Variants in MGAT4D observed in about 807,000 individuals in gnomAD.
MGAT4D encodes the protein alpha-1,3-mannosyl-glycoprotein 4-beta-N-acetylglucosaminyltransferase-like protein MGAT4D.
A neutral mutation model predicts 15.9 loss-of-function variants in MGAT4D; 34 were observed. The ratio of observed to expected loss-of-function variants is 2.14; its 90% CI spans 1.62 to 2.84. The LOEUF is 2.84. Ranked by LOEUF, MGAT4D falls within the 30% of genes most tolerant of loss-of-function variation. MGAT4D has a pLI of 0.00. For missense variants in MGAT4D, 327 were observed against 140.2 expected (o/e 2.33, Z -6.73); for synonymous variants, 112 against 48.2 (o/e 2.33, Z -5.49).
In MGAT4D at chr4:140,469,634, G is replaced by T. The variant is rs541080741; in HGVS notation, c.572+2141C>A. 7.9e-5 allele frequency among the ~76,000 whole-genome samples: 12 copies of T among 152,272 alleles called. 1 individual carries two copies. The South Asian group carries it at 2.5e-3, about 32-fold the overall frequency. On this transcript the variant is annotated intron_variant, in intron 5 of 10. Transcript: ENST00000511113. ...TCCACTTTTTAAAGACTCTGGGTCAGTTTTCTACAGAAGGTCCCACTTCTT... is the reference window on the plus strand; with the variant it reads ...TCCACTTTTTAAAGACTCTGGGTCATTTTTCTACAGAAGGTCCCACTTCTT...
intron 2 of MGAT4D, among the ~76,000 whole-genome samples, chr4:140,479,939 C>T (rs1447485627): frequency 6.6e-6 from 1 of 152,104 alleles, no homozygotes; most frequent in Non-Finnish European, 1.5e-5. Context: ...TACTCTGCTA[C>T]TTTGATTAAT....
chr4:140,463,701 G>A (rs1383247125), intron 6 of MGAT4D, among the ~76,000 whole-genome samples: 1 of 152,168 alleles, frequency 6.6e-6, no homozygotes, highest in African/African-American at 2.4e-5. Context: ...AACAATGTTG[G>A]CTATCTTACA....
intron 6 of MGAT4D, chr4:140,462,736 G>A (rs978485769): frequency 6.6e-6 from 1 of 152,144 alleles, no homozygotes; most frequent in Admixed American, 6.5e-5. Context: ...GCCAAATTTG[G>A]GGCAATTTGA....
rs1222223922 is a variant in MGAT4D at position 140,442,482 on chromosome 4, G to T, written c.*954C>A. 6.6e-6 allele frequency: 1 copy of T among 152,096 alleles called. No individual in the cohort carries two copies. Among genetic ancestry groups the T allele is most frequent in the African/African-American group, 2.4e-5 (1 of 41,438 alleles). The allele number at this position is 152,096 out of a possible 1,614,324, so 9.4% of individuals were successfully genotyped here. On this transcript the variant is annotated 3_prime_UTR_variant, in exon 11 of 11. Transcript: ENST00000511113. ...GAAAAATAGATTTTAATGGGCCCCTGTAGAAACTGATGGATCAAGCATATA... is the reference window on the plus strand; with the variant it reads ...GAAAAATAGATTTTAATGGGCCCCTTTAGAAACTGATGGATCAAGCATATA...
chr4:140,462,989 T>G (rs1731294895), intron 6 of MGAT4D, among the ~76,000 whole-genome samples: 1 of 152,152 alleles, frequency 6.6e-6, no homozygotes, highest in Admixed American at 6.5e-5. Context: ...CTCTGTGAGA[T>G]GGCTGAAAAA....
rs181397009 is a variant in MGAT4D at position 140,474,776 on chromosome 4, G to T, written c.525+37C>A. Reference sequence around the variant, plus strand: ...AGGAAGGGAATTTGGAGACCATAGGGTGAGGATAAGGAGAGCTCCTTATTT... The same window carrying T: ...AGGAAGGGAATTTGGAGACCATAGGTTGAGGATAAGGAGAGCTCCTTATTT... On this transcript the variant is annotated intron_variant, in intron 4 of 10. Coordinates refer to ENST00000511113, the MANE Select transcript of MGAT4D (RefSeq NM_001277353.2). 3.4e-4 allele frequency: 197 copies of T among 585,286 alleles called. No homozygotes were observed. The African/African-American group carries it at 3.4e-3, about 10-fold the overall frequency. 36.3% of individuals were successfully genotyped at this position (585,286 alleles called of 1,614,324 possible).
At chr4:140,475,139 G>T (rs1732229948) in intron 3 of MGAT4D, among the ~76,000 whole-genome samples, 193 bp from the exon 4 acceptor site, 1 of 152,102 alleles carries the variant, frequency 6.6e-6, no homozygotes, top group Admixed American at 6.6e-5. Flanking sequence ...GAGGAAATTT[G>T]CAGTGGATTG....
chr4:140,473,109 T>C (rs989261954), intron 4 of MGAT4D, among the ~76,000 whole-genome samples: 10 of 152,246 alleles, frequency 6.6e-5, no homozygotes, highest in African/African-American at 2.4e-4. Context: ...TTCTTTTTTC[T>C]TCATATATTT....
intron 5 of MGAT4D, among the ~76,000 whole-genome samples, chr4:140,466,631 T>C (rs1249906868): frequency 6.6e-6 from 1 of 152,210 alleles, no homozygotes; most frequent in Non-Finnish European, 1.5e-5. Context: ...TTCATTTTTC[T>C]ATGTATTTAT....
rs1732277105 is a variant in MGAT4D at position 140,475,792 on chromosome 4, A to G, written c.392-846T>C. The stretch of plus-strand genomic sequence containing the variant: ...CTATTGAGTTTGAACATATCTTCAC[A>G]TGTTTATTGGCTTTCTTTTTTTTTT... On this transcript the variant is annotated intron_variant, in intron 3 of 10. Transcript: ENST00000511113. 2.7e-5 allele frequency among the ~76,000 whole-genome samples: 4 copies of G among 146,716 alleles called. No homozygotes were observed. The South Asian group carries it at 8.5e-4, about 31-fold the overall frequency.
At chr4:140,483,708 G>A (rs539243176) in intron 1 of MGAT4D, among the ~76,000 whole-genome samples, 22 of 152,054 alleles carry the variant, frequency 1.4e-4, no homozygotes, top group African/African-American at 4.8e-4. Context: ...AGAAATTCAC[G>A]CATTTACAGT....
In MGAT4D at chr4:140,485,810, T is replaced by TAAAAAA. The variant is rs61131099; in HGVS notation, c.95-3331_95-3326dup. Among the ~76,000 whole-genome samples the TAAAAAA allele has an allele frequency of 2.0e-3, 26 of 13,026 alleles. 4 individuals are homozygous for TAAAAAA. The highest frequency in any genetic ancestry group is 7.1e-3 in the South Asian group (2 of 282). The allele number at this position is 13,026 out of a possible 152,430, so 8.5% of individuals were successfully genotyped here. ...TGAGCAACAGAGCAAGACCCTGTCT[T>TAAAAAA]AAAAAAAAAAAAAAAAAAAAAAAAA... is the stretch of plus-strand genomic sequence containing the variant. On this transcript the variant is annotated intron_variant, in intron 1 of 10. Coordinates refer to ENST00000511113, the MANE Select transcript of MGAT4D (RefSeq NM_001277353.2).
chr4:140,457,603 C>T (rs757439147), intron 8 of MGAT4D: 4 of 152,076 alleles, frequency 2.6e-5, no homozygotes, highest in East Asian at 1.9e-4. Context: ...AATGAATAAC[C>T]GAATTGCTAT....
At chr4:140,491,162 A>G (rs1733475879) in intron 1 of MGAT4D, among the ~76,000 whole-genome samples, 1 of 152,164 alleles carries the variant, frequency 6.6e-6, no homozygotes, top group African/African-American at 2.4e-5. Flanking sequence ...CTCTTGAATA[A>G]CCCACATTTG....
chr4:140,464,468 C>T (rs989626117), intron 6 of MGAT4D, among the ~76,000 whole-genome samples: 1 of 152,154 alleles, frequency 6.6e-6, no homozygotes, highest in East Asian at 1.9e-4. Flanking sequence ...GGTGAAATTA[C>T]CTGCCTACAA....
At chr4:140,462,249 T>C (rs1731237049) in intron 6 of MGAT4D, among the ~76,000 whole-genome samples, 1 of 152,222 alleles carries the variant, frequency 6.6e-6, no homozygotes, top group African/African-American at 2.4e-5. Context: ...CCATTTGTTT[T>C]ACATTTCTAT....
At chr4:140,497,197 G>C (rs1181158913) in intron 1 of MGAT4D, among the ~76,000 whole-genome samples, 3 of 152,208 alleles carry the variant, frequency 2.0e-5, no homozygotes, top group Admixed American at 2.0e-4. Flanking sequence ...TCATACATGT[G>C]TAAATAAACG....
chr4:140,446,534 T>C (rs1227663685), intron 10 of MGAT4D, among the ~76,000 whole-genome samples: 1 of 152,080 alleles, frequency 6.6e-6, no homozygotes, highest in Non-Finnish European at 1.5e-5. Context: ...TCATTTCTAA[T>C]TGTGTTTATT....
chr4:140,479,041 A>C (rs1049052219), intron 3 of MGAT4D, among the ~76,000 whole-genome samples: 1 of 152,098 alleles, frequency 6.6e-6, no homozygotes, highest in Non-Finnish European at 1.5e-5. Flanking sequence ...TCAAACTCCA[A>C]AGCTTCTTCT....
Sources: gnomAD v4.1 joint callset for allele counts (sites outside exome capture counted in the v4.1 genomes callset) on GRCh38, gnomAD v4.1.1 for gene constraint, MANE v1.5 for transcripts, NCBI Gene and HGNC (gene_info 2026-07-23, HGNC 2026-07-21) for gene names.